Variants in AFF2 observed in about 807,000 individuals in gnomAD.
AFF2 encodes the protein ALF transcription elongation factor 2.
A neutral mutation model predicts 76.9 loss-of-function variants in AFF2; 14 were observed. The ratio of observed to expected loss-of-function variants is 0.18; its 90% CI spans 0.12 to 0.28. The LOEUF (loss-of-function observed/expected upper bound fraction) is 0.28. AFF2 is among the 10% of genes least tolerant of loss of function. The pLI is 1.00. For missense variants in AFF2, 868 were observed against 1,001.1 expected, an observed-to-expected ratio of 0.87 and a Z score of 1.79; for synonymous variants, 398 against 366.7, an observed-to-expected ratio of 1.09 and a Z score of -0.98.
At chrX:148,588,855 G>C (rs16994640) in intron 1 of AFF2, among the ~76,000 whole-genome samples, 2,217 of 111,355 alleles carry the variant, frequency 0.02, 38 homozygotes, top group African/African-American at 0.057. Context: ...TTGTAGAACC[G>C]CAAAAACATA....
intron 3 of AFF2, among the ~76,000 whole-genome samples, chrX:148,677,801 A>T (rs148835321): frequency 0.012 from 1,382 of 111,919 alleles, 11 homozygotes; most frequent in Middle Eastern, 0.042. Flanking sequence ...ATTGATGGAG[A>T]AATCGCATCC....
intron 9 of AFF2, among the ~76,000 whole-genome samples, chrX:148,933,827 G>C (rs1211459027): frequency 9.0e-6 from 1 of 111,611 alleles, no homozygotes; most frequent in Non-Finnish European, 1.9e-5. Context: ...AATGTTAGCT[G>C]CTTGTTATCT....
At chrX:148,911,099 ATGTG>A (rs1185702809) in intron 9 of AFF2, among the ~76,000 whole-genome samples, 1 of 107,343 alleles carries the variant, frequency 9.3e-6, no homozygotes, top group Non-Finnish European at 1.9e-5. Flanking sequence ...ATATATGTGT[ATGTG>A]TGTGTGTGTG....
intron 1 of AFF2, among the ~76,000 whole-genome samples, chrX:148,605,486 C>T (rs1235987903): frequency 1.8e-5 from 2 of 111,501 alleles, no homozygotes; most frequent in Non-Finnish European, 3.8e-5. Context: ...TAATGACATC[C>T]TCATAGCAAT....
intron 1 of AFF2, among the ~76,000 whole-genome samples, chrX:148,572,276 C>T (rs892955653): frequency 1.8e-5 from 2 of 111,622 alleles, no homozygotes; most frequent in Non-Finnish European, 3.8e-5. Context: ...GCGAGGATGT[C>T]GCGAAATTAA....
intron 9 of AFF2, among the ~76,000 whole-genome samples, chrX:148,952,845 G>C (rs147496577): frequency 0.014 from 1,564 of 111,641 alleles, 19 homozygotes; most frequent in African/African-American, 0.048. Flanking sequence ...AAGTATGGTG[G>C]AGGAGGCCTA....
chrX:148,615,737 T>C (rs1395134693), intron 1 of AFF2, among the ~76,000 whole-genome samples: 4 of 111,647 alleles, frequency 3.6e-5, no homozygotes, highest in Non-Finnish European at 7.5e-5. Flanking sequence ...CTTGTGTTAA[T>C]TTCTGCATTC....
At chrX:148,679,433 C>T (rs2054523925) in intron 3 of AFF2, among the ~76,000 whole-genome samples, 1 of 110,257 alleles carries the variant, frequency 9.1e-6, no homozygotes, top group Non-Finnish European at 1.9e-5. Context: ...AGCCATTATG[C>T]ATTTTTGTCT....
At chrX:148,785,156 G>A (rs1340466527) in intron 3 of AFF2, among the ~76,000 whole-genome samples, 1 of 112,377 alleles carries the variant, frequency 8.9e-6, no homozygotes, top group East Asian at 2.8e-4. Context: ...GAGTCACACA[G>A]AAACTAGTTT....
chrX:148,594,016 A>C (rs2053547064), intron 1 of AFF2, among the ~76,000 whole-genome samples: 1 of 111,727 alleles, frequency 9.0e-6, no homozygotes, highest in Non-Finnish European at 1.9e-5. Context: ...ATATATGTTT[A>C]AATACTCTGT....
At chrX:148,806,184 C>A (rs998937696) in intron 3 of AFF2, among the ~76,000 whole-genome samples, 1 of 112,345 alleles carries the variant, frequency 8.9e-6, no homozygotes, top group African/African-American at 3.2e-5. Flanking sequence ...AGAATTACTG[C>A]GAAGACGTGT....
chrX:148,650,589 T>C (rs2054193995), intron 1 of AFF2, among the ~76,000 whole-genome samples: 1 of 112,342 alleles, frequency 8.9e-6, no homozygotes, highest in Non-Finnish European at 1.9e-5. Context: ...GTTGTTGCTG[T>C]TTTTTAATGG....
At chrX:148,641,225 T>C (rs1403166889) in intron 1 of AFF2, among the ~76,000 whole-genome samples, 1 of 112,228 alleles carries the variant, frequency 8.9e-6, no homozygotes, top group Middle Eastern at 4.2e-3. Flanking sequence ...AATTAATATT[T>C]TGTCAACATT....
intron 1 of AFF2, among the ~76,000 whole-genome samples, chrX:148,524,610 A>T (rs2052638469): frequency 8.9e-6 from 1 of 112,589 alleles, no homozygotes; most frequent in Admixed American, 9.4e-5. Flanking sequence ...GGATCCATTA[A>T]CATTCAGTCA....
chrX:148,876,634 G>A (rs781941251), intron 7 of AFF2, among the ~76,000 whole-genome samples: 1 of 111,881 alleles, frequency 8.9e-6, no homozygotes, highest in Admixed American at 9.5e-5. Context: ...GTAAATGAGA[G>A]TTATGTTCAG....
intron 3 of AFF2, among the ~76,000 whole-genome samples, chrX:148,783,177 G>A (rs1174123484): frequency 1.8e-5 from 2 of 110,584 alleles, no homozygotes; most frequent in African/African-American, 3.3e-5. Flanking sequence ...TTTCCCCCTC[G>A]GTGGTATAAA....
intron 11 of AFF2, 36 bp from the exon 12 acceptor site, chrX:148,958,301 C>T: frequency 8.3e-7 from 1 of 1,206,323 alleles, no homozygotes; most frequent in Non-Finnish European, 1.1e-6. Flanking sequence ...TGGTGCCATG[C>T]ATTTCAAGCT....
intron 19 of AFF2, among the ~76,000 whole-genome samples, chrX:148,987,032 CA>C (rs2072480259): frequency 9.1e-6 from 1 of 110,400 alleles, no homozygotes; most frequent in African/African-American, 3.3e-5. Context: ...GAGTGGGCCT[CA>C]TTCTATAGTG....
chrX:148,918,087 A>T (rs1322918572), intron 9 of AFF2, among the ~76,000 whole-genome samples: 1 of 112,163 alleles, frequency 8.9e-6, no homozygotes, highest in African/African-American at 3.2e-5. Flanking sequence ...GAGATTTTGT[A>T]TGGGACAAAC....
Sources: allele counts gnomAD v4.1 joint callset (sites outside exome capture counted in the v4.1 genomes callset), GRCh38; gene constraint gnomAD v4.1.1; transcripts MANE v1.5; gene names NCBI Gene and HGNC (gene_info 2026-07-23, HGNC 2026-07-21).